Variants in JMJD1C observed in about 807,000 individuals in gnomAD.
JMJD1C encodes the protein jumonji domain-containing protein 1C.
Under a neutral mutation model 245.3 loss-of-function variants are expected in JMJD1C, and 31 were observed. That is an observed-to-expected ratio of 0.13 (90% CI 0.09 to 0.17). The LOEUF is 0.17. Ranked by LOEUF, JMJD1C falls within the 10% of genes least tolerant of loss-of-function variation. The probability of loss-of-function intolerance (pLI) is 1.00; values close to 1 mark genes in which losing one functional copy is unlikely to be tolerated. For missense variants in JMJD1C, 2,691 were observed against 3,000.2 expected (o/e 0.90, Z 2.41); for synonymous variants, 1,057 against 1,017.4 (o/e 1.04, Z -0.74).
intron 1 of JMJD1C, among the ~76,000 whole-genome samples, chr10:63,442,828 T>A (rs1951469644): frequency 6.6e-6 from 1 of 151,730 alleles, no homozygotes; most frequent in Non-Finnish European, 1.5e-5. Context: ...TACTACATAA[T>A]CCAATCCTTA....
chr10:63,394,930 A>G (rs1448775356), intron 1 of JMJD1C, among the ~76,000 whole-genome samples: 1 of 152,166 alleles, frequency 6.6e-6, no homozygotes, highest in African/African-American at 2.4e-5. Flanking sequence ...AATGAAAACA[A>G]GCCACAGACT....
intron 1 of JMJD1C, among the ~76,000 whole-genome samples, chr10:63,381,933 C>T (rs2134512698): frequency 6.6e-6 from 1 of 152,222 alleles, no homozygotes; most frequent in Middle Eastern, 3.4e-3. Flanking sequence ...AAATAGTAGC[C>T]ATACGCGATG....
Position 63,492,716 on chromosome 10 carries a change from T to G in JMJD1C, n.113+29022A>C, listed in dbSNP as rs371752881. Among the ~76,000 whole-genome samples, 61 of 152,078 alleles carry G rather than the reference T, an allele frequency of 4.0e-4. 1 individual carries two copies. In the South Asian group the frequency reaches 0.012, roughly 29 times the overall value. On this transcript the variant is annotated intron_variant and non_coding_transcript_variant, in intron 1 of 3. Transcript: ENST00000633035. ...AAATAAAATAAAAATAAAAGATTAT[T>G]TTTAAAAAGCACATTAATAAAAATA...
intron 12 of JMJD1C, 125 bp downstream of exon 12, chr10:63,198,388 A>G (rs1845681100): frequency 1.6e-6 from 1 of 644,172 alleles, no homozygotes; most frequent in East Asian, 2.5e-5. Flanking sequence ...TACTGTAAAA[A>G]GGTATCATTA....
At chr10:63,380,105 A>ATTTT (rs34420480) in intron 2 of JMJD1C, 9 of 331,766 alleles carry the variant, frequency 2.7e-5, no homozygotes, top group South Asian at 1.2e-4. Context: ...ACATCCAGCT[A>ATTTT]TTTTTTTTTT....
intron 3 of JMJD1C, among the ~76,000 whole-genome samples, chr10:63,253,686 T>A (rs1441753314): frequency 1.3e-5 from 2 of 152,070 alleles, no homozygotes; most frequent in African/African-American, 4.8e-5. Context: ...GCGCCCGGCC[T>A]CATTTTTTAA....
At chr10:63,219,497 G>A (rs1848365317) in intron 4 of JMJD1C, among the ~76,000 whole-genome samples, 1 of 152,084 alleles carries the variant, frequency 6.6e-6, no homozygotes, top group Non-Finnish European at 1.5e-5. Context: ...ACTGAAATAG[G>A]CCACTTTTAC....
intron 3 of JMJD1C, among the ~76,000 whole-genome samples, chr10:63,249,353 T>C (rs1852719643): frequency 6.6e-6 from 1 of 151,886 alleles, no homozygotes; most frequent in Admixed American, 6.6e-5. Context: ...AAGCAGATGC[T>C]TAAAGATAGA....
intron 13 of JMJD1C, among the ~76,000 whole-genome samples, chr10:63,197,137 C>G (rs540834362): frequency 6.6e-6 from 1 of 151,924 alleles, no homozygotes; most frequent in African/African-American, 2.4e-5. Flanking sequence ...AGCAACAAGG[C>G]CTAACCTAAA....
Position 63,177,994 on chromosome 10 carries a change from G to T in JMJD1C, c.7085-138C>A, listed in dbSNP as rs1479626275. 7 of 797,398 alleles carry T rather than the reference G, an allele frequency of 8.8e-6. No individual in the cohort carries two copies. The Admixed American group carries it at 2.0e-4, about 23-fold the overall frequency. The allele number at this position is 797,398 out of a possible 1,614,324, so 49.4% of individuals were successfully genotyped here. A position where few individuals can be genotyped will look rare whatever the true frequency, so the allele number is the denominator to read the frequency against. The stretch of plus-strand genomic sequence containing the variant: ...CTTTTTTGGTCACCCAGGCTGGAGT[G>T]CAGTGGCATGATCTTGGCTCACTGC... On this transcript the variant is annotated intron_variant, in intron 22 of 25. Transcript: ENST00000399262.
At chr10:63,226,759 G>A (rs752938146) in intron 3 of JMJD1C, among the ~76,000 whole-genome samples, 3 of 145,634 alleles carry the variant, frequency 2.1e-5, no homozygotes, top group Non-Finnish European at 4.5e-5. Context: ...ACATGATGGA[G>A]TAAAAGGCTG....
At chr10:63,418,154 T>G (rs1949906020) in intron 1 of JMJD1C, among the ~76,000 whole-genome samples, 1 of 152,186 alleles carries the variant, frequency 6.6e-6, no homozygotes, top group African/African-American at 2.4e-5. Flanking sequence ...AATTGAGGGC[T>G]TTTAAAGCAA....
intron 20 of JMJD1C, 125 bp from the exon 21 acceptor site, chr10:63,184,863 C>A (rs1256281244): frequency 4.6e-6 from 4 of 867,902 alleles, no homozygotes. Flanking sequence ...AACAATTTTC[C>A]TTGACTCAAG....
chr10:63,469,090 T>C (rs535829488), upstream of JMJD1C, among the ~76,000 whole-genome samples: 72 of 152,336 alleles, frequency 4.7e-4, no homozygotes, highest in South Asian at 1.0e-3. Flanking sequence ...AAAAGCCTAG[T>C]AGTTATAGAT....
intron 1 of JMJD1C, among the ~76,000 whole-genome samples, chr10:63,400,640 G>A (rs1409530907): frequency 6.6e-6 from 1 of 151,958 alleles, no homozygotes; most frequent in Non-Finnish European, 1.5e-5. Context: ...TTGGCTCACT[G>A]CAACCTCTGC....
intron 1 of JMJD1C, among the ~76,000 whole-genome samples, chr10:63,506,816 T>G (rs191781906): frequency 7.2e-4 from 109 of 152,348 alleles, no homozygotes; most frequent in Admixed American, 1.6e-3. Context: ...TCACTCTTGA[T>G]GTTGTGCATT....
At chr10:63,518,418 T>A (rs1955093693) in intron 1 of JMJD1C, among the ~76,000 whole-genome samples, 1 of 152,238 alleles carries the variant, frequency 6.6e-6, no homozygotes, top group Non-Finnish European at 1.5e-5. Flanking sequence ...GAAAATGATT[T>A]ATAATAACAT....
At chr10:63,307,677 G>A (rs1040232374) in intron 2 of JMJD1C, among the ~76,000 whole-genome samples, 7 of 152,028 alleles carry the variant, frequency 4.6e-5, no homozygotes, top group Admixed American at 1.3e-4. Flanking sequence ...AAAGCAAAGA[G>A]GATTTCAGTG....
intron 2 of JMJD1C, among the ~76,000 whole-genome samples, chr10:63,298,004 C>A (rs117742445): frequency 6.6e-6 from 1 of 152,230 alleles, no homozygotes; most frequent in Non-Finnish European, 1.5e-5. Flanking sequence ...TCCATCCACA[C>A]GCGGGTGCTG....
Sources: gnomAD v4.1 joint callset for allele counts (sites outside exome capture counted in the v4.1 genomes callset) on GRCh38, gnomAD v4.1.1 for gene constraint, MANE v1.5 for transcripts, NCBI Gene and HGNC (gene_info 2026-07-23, HGNC 2026-07-21) for gene names.